KSR1: variants seen among roughly 807,000 people sequenced by gnomAD.
KSR1 encodes the protein kinase suppressor of ras.
KSR1 carries 35 observed loss-of-function variants against 92.9 expected under a neutral mutation model. That is an observed-to-expected ratio of 0.38 (90% CI 0.29 to 0.50). KSR1 has a LOEUF of 0.50. KSR1 is among the 20% of genes least tolerant of loss of function. The pLI, the probability that KSR1 is intolerant of heterozygous loss-of-function variation, is 0.94. For synonymous variants in KSR1, 467 were observed against 472.6 expected, an observed-to-expected ratio of 0.99 and a Z score of 0.15; for missense variants, 972 against 1,158.5, an observed-to-expected ratio of 0.84 and a Z score of 2.34.
In KSR1 at chr17:27,603,971, C is replaced by T. The variant is rs2073660887; in HGVS notation, c.1565+83C>T. 5.1e-6 allele frequency: 7 copies of T among 1,368,764 alleles called. No homozygotes were observed. The East Asian group carries it at 1.6e-4, about 32-fold the overall frequency. The allele number at this position is 1,368,764 out of a possible 1,614,324, so 84.8% of individuals were successfully genotyped here. ...CCATATCCCTGGCCACCTCCCACTC[C>T]ACCTTTCCATCTCCAGCCAGCCAGA... On this transcript the variant is annotated intron_variant, in intron 12 of 20. Transcript: ENST00000644974.
intron 1 of KSR1, among the ~76,000 whole-genome samples, chr17:27,525,577 T>A (rs528486804): frequency 1.3e-5 from 2 of 152,232 alleles, no homozygotes; most frequent in African/African-American, 4.8e-5. Context: ...TGAAGGCTTA[T>A]CTTGAGTTTC....
chr17:27,567,461 A>C (rs948408986), intron 2 of KSR1, among the ~76,000 whole-genome samples: 1 of 152,178 alleles, frequency 6.6e-6, no homozygotes, highest in Non-Finnish European at 1.5e-5. Context: ...GGAGTGGGCA[A>C]GAACATGGAC....
At chr17:27,501,280 A>ATTTTTTT (rs1567768215) in intron 1 of KSR1, among the ~76,000 whole-genome samples, 1 of 60,736 alleles carries the variant, frequency 1.6e-5, no homozygotes, top group Admixed American at 1.7e-4. Flanking sequence ...TTTTTTTTTA[A>ATTTTTTT]TTTCTTTTCT....
chr17:27,589,486 A>G (rs1320431826), intron 6 of KSR1, among the ~76,000 whole-genome samples: 1 of 152,158 alleles, frequency 6.6e-6, no homozygotes, highest in Non-Finnish European at 1.5e-5. Flanking sequence ...TCTCTGAGTT[A>G]GTTTCCTTGG....
chr17:27,484,799 G>C (rs144633748), intron 1 of KSR1, among the ~76,000 whole-genome samples: 2 of 152,212 alleles, frequency 1.3e-5, no homozygotes, highest in African/African-American at 4.8e-5. Flanking sequence ...AGAAGAGCAC[G>C]GAGGATGCTC....
At chr17:27,540,632 T>C (rs553503002) in intron 1 of KSR1, among the ~76,000 whole-genome samples, 4 of 152,298 alleles carry the variant, frequency 2.6e-5, no homozygotes, top group African/African-American at 9.6e-5. Flanking sequence ...AGCTCAAGGA[T>C]TGAGGTCACT....
At chr17:27,618,752 G>C (rs963785129) in intron 19 of KSR1, among the ~76,000 whole-genome samples, 3 of 152,176 alleles carry the variant, frequency 2.0e-5, no homozygotes, top group Admixed American at 2.0e-4. Flanking sequence ...AAAGTGAATC[G>C]CTTCATCTCA....
chr17:27,540,002 G>A lies in KSR1; in HGVS notation c.232-10566G>A, dbSNP rs545192700. On this transcript the variant is annotated intron_variant, in intron 1 of 20. Transcript: ENST00000644974. Reference sequence around the variant, plus strand: ...CTAGCAGTTGTTGCTGAGAAAACTCGGGCCCTTGGCCATTCACTCTGGCCC... The same window carrying A: ...CTAGCAGTTGTTGCTGAGAAAACTCAGGCCCTTGGCCATTCACTCTGGCCC... Among the ~76,000 whole-genome samples the A allele has an allele frequency of 5.6e-4, 85 of 152,318 alleles. 1 individual carries two copies. Among genetic ancestry groups the A allele is most frequent in the Admixed American group, 1.4e-3 (21 of 15,302 alleles).
intron 2 of KSR1, chr17:27,558,288 G>A (rs920151209): frequency 5.8e-5 from 6 of 102,788 alleles, no homozygotes; most frequent in African/African-American, 2.1e-4. Flanking sequence ...TTTTTTGTTT[G>A]CTGAAATGGG....
intron 1 of KSR1, among the ~76,000 whole-genome samples, chr17:27,479,501 G>C (rs185884883): frequency 6.6e-6 from 1 of 152,190 alleles, no homozygotes; most frequent in Admixed American, 6.5e-5. Flanking sequence ...CGGGTGTAGG[G>C]AAGGGAGGAA....
chr17:27,517,268 C>G (rs1455802189), intron 1 of KSR1, among the ~76,000 whole-genome samples: 2 of 152,212 alleles, frequency 1.3e-5, no homozygotes, highest in Non-Finnish European at 2.9e-5. Flanking sequence ...AACCCCTTAT[C>G]TTAACCCAGA....
chr17:27,611,629 T>A lies in KSR1; in HGVS notation c.2493T>A (p.Ser831Arg), dbSNP rs2073919659. The change falls in exon 18 of 21, where the codon AGT becomes AGA. Residue 831 changes from serine (S) to arginine (R), a missense_variant and splice_region_variant. By Grantham distance (110) the Ser-to-Arg change is moderately radical. Coordinates refer to ENST00000644974, the MANE Select transcript of KSR1 (RefSeq NM_001394583.1). The stretch of plus-strand genomic sequence containing the variant: ...CTGTCAGCTTGGGGAAGGAAGTCAG[T>A]GTAAGTAGTACCTGCCCTGGGTGGA... The part of the protein sequence containing the change: ...LTSVSLGKEV[S>R]EILSACWAFD... The A allele has an allele frequency of 6.2e-7, 1 of 1,613,590 alleles. No individual in the cohort carries two copies.
chr17:27,601,019 T>C (rs1356320268), intron 10 of KSR1, among the ~76,000 whole-genome samples: 1 of 152,232 alleles, frequency 6.6e-6, no homozygotes, highest in African/African-American at 2.4e-5. Flanking sequence ...TACATAACAC[T>C]GTTAAACTTT....
At chr17:27,515,043 A>G (rs940934873) in intron 1 of KSR1, among the ~76,000 whole-genome samples, 2 of 152,168 alleles carry the variant, frequency 1.3e-5, no homozygotes, top group African/African-American at 4.8e-5. Context: ...AAAATCAGGG[A>G]TTCCCGAGGT....
chr17:27,544,904 C>G (rs1041083065), intron 1 of KSR1, among the ~76,000 whole-genome samples: 1 of 152,258 alleles, frequency 6.6e-6, no homozygotes, highest in African/African-American at 2.4e-5. Flanking sequence ...TCATTTCACT[C>G]TGACGGGAGT....
intron 2 of KSR1, among the ~76,000 whole-genome samples, chr17:27,551,369 C>T (rs2071390487): frequency 6.6e-6 from 1 of 152,158 alleles, no homozygotes; most frequent in African/African-American, 2.4e-5. Context: ...ATTAGTCCTA[C>T]TTGGCAGGCA....
intron 15 of KSR1, among the ~76,000 whole-genome samples, chr17:27,608,498 G>A (rs936434755): frequency 6.6e-6 from 1 of 152,178 alleles, no homozygotes; most frequent in Non-Finnish European, 1.5e-5. Context: ...GGTCACCCAC[G>A]CTCCATGCAC....
intron 2 of KSR1, among the ~76,000 whole-genome samples, chr17:27,572,243 G>T (rs1024011923): frequency 5.3e-5 from 8 of 152,230 alleles, no homozygotes; most frequent in South Asian, 4.1e-4. Context: ...CAGAGGCAGG[G>T]AGCCAATGAT....
intron 1 of KSR1, among the ~76,000 whole-genome samples, chr17:27,509,455 T>TA (rs2069517477): frequency 6.6e-6 from 1 of 152,012 alleles, no homozygotes; most frequent in Non-Finnish European, 1.5e-5. Context: ...CACGCCCGGC[T>TA]ATTTTTTGTA....
Sources: allele counts gnomAD v4.1 joint callset (sites outside exome capture counted in the v4.1 genomes callset), GRCh38; gene constraint gnomAD v4.1.1; transcripts MANE v1.5; gene names NCBI Gene and HGNC (gene_info 2026-07-23, HGNC 2026-07-21).